LRP5: variants seen among roughly 807,000 people sequenced by gnomAD.
LRP5 encodes the protein LDL receptor related protein 5, also known as low-density lipoprotein receptor-related protein 5.
In LRP5, 62 loss-of-function variants were observed where a neutral mutation model predicts 154.1. The observed-to-expected ratio is 0.40, with a 90% CI of 0.33 to 0.50. The LOEUF (loss-of-function observed/expected upper bound fraction) is 0.50, where lower values mean the gene tolerates loss of function less well. Among genes scored for constraint, LRP5 ranks in the 20% least tolerant of loss-of-function variants. LRP5 has a pLI of 0.55. For missense variants in LRP5, 1,915 were observed against 2,336.7 expected, an observed-to-expected ratio of 0.82 and a Z score of 3.72; for synonymous variants, 966 against 1,011.5, an observed-to-expected ratio of 0.96 and a Z score of 0.85.
intron 1 of LRP5, among the ~76,000 whole-genome samples, chr11:68,334,427 CAT>C (rs1376416485): frequency 2.6e-5 from 4 of 152,086 alleles, no homozygotes; most frequent in Non-Finnish European, 1.5e-5. Context: ...AATAAGTAAA[CAT>C]ATGGATAGTA....
In LRP5 at chr11:68,423,647, G is replaced by T; in HGVS notation, c.3186G>T (p.Leu1062=). 1 of 1,614,024 alleles carries T rather than the reference G, an allele frequency of 6.2e-7. No individual in the cohort carries two copies. Among genetic ancestry groups the T allele is most frequent in the Non-Finnish European group, 8.5e-7 (1 of 1,180,010 alleles). The change falls in exon 14 of 23, where the codon CTG becomes CTT. Residue 1062 remains leucine (L), a synonymous_variant. Coordinates refer to ENST00000294304, the MANE Select transcript of LRP5 (RefSeq NM_002335.4). The surrounding 1 kb of genome is among the most constrained non-coding windows in gnomAD (Gnocchi z 4.7). ...RLSGEAMGVV[L]RGDRDKPRAI... ...GCGGGGAAGCCATGGGGGTGGTGCT[G>T]CGTGGGGACCGCGACAAGCCCAGGG... is the stretch of plus-strand genomic sequence containing the variant.
intron 5 of LRP5, among the ~76,000 whole-genome samples, chr11:68,378,077 G>A (rs2153147666): frequency 6.6e-6 from 1 of 152,362 alleles, no homozygotes; most frequent in African/African-American, 2.4e-5. Context: ...TGCAGGGATG[G>A]CCGGGGCCCT....
At chr11:68,444,385 C>T (rs71464347) in intron 21 of LRP5, among the ~76,000 whole-genome samples, 4 of 152,062 alleles carry the variant, frequency 2.6e-5, no homozygotes, top group Admixed American at 6.5e-5. Flanking sequence ...GGTGTGGTGG[C>T]GCATGCCTGT....
chr11:68,363,265 C>T (rs1250677909), intron 3 of LRP5, among the ~76,000 whole-genome samples: 1 of 152,228 alleles, frequency 6.6e-6, no homozygotes, highest in Non-Finnish European at 1.5e-5. Flanking sequence ...GTGTCACCAT[C>T]ACAGGCTGTG....
intron 7 of LRP5, among the ~76,000 whole-genome samples, chr11:68,392,397 G>A (rs1342203606): frequency 3.3e-5 from 5 of 152,050 alleles, no homozygotes; most frequent in African/African-American, 1.2e-4. Context: ...CCAGCTACTC[G>A]GGAGGCTGAG....
chr11:68,357,081 G>T (rs1299845686), intron 2 of LRP5, among the ~76,000 whole-genome samples: 1 of 151,942 alleles, frequency 6.6e-6, no homozygotes, highest in African/African-American at 2.4e-5. Flanking sequence ...GACTACAGGT[G>T]CTCACTACCA....
chr11:68,330,000 T>C (rs1393681452), intron 1 of LRP5, among the ~76,000 whole-genome samples: 3 of 152,212 alleles, frequency 2.0e-5, no homozygotes, highest in African/African-American at 2.4e-5. Flanking sequence ...CCCTAAACCT[T>C]CTAATTAGTG....
At chr11:68,411,251 C>G (rs1270455680) in intron 10 of LRP5, among the ~76,000 whole-genome samples, 185 bp from the exon 11 acceptor site, 1 of 152,226 alleles carries the variant, frequency 6.6e-6, no homozygotes, top group Admixed American at 6.5e-5. Flanking sequence ...CAGTGACCAC[C>G]CCTGGAGGGA....
intron 12 of LRP5, among the ~76,000 whole-genome samples, chr11:68,414,772 G>A (rs182559526): frequency 6.6e-6 from 1 of 152,338 alleles, no homozygotes; most frequent in East Asian, 1.9e-4. Context: ...GGCGGGGCTG[G>A]TCTTGCCTGT....
In LRP5 at chr11:68,386,566, G is replaced by C. The variant is rs772212144; in HGVS notation, c.1266G>C (p.Ala422=). ...NTEINDPDGI[A]VDWVARNLYW... ...AGATCAACGACCCCGATGGCATCGC[G>C]GTCGACTGGGTGGCCCGAAACCTCT... The change falls in exon 6 of 23, where the codon GCG becomes GCC. Residue 422 remains alanine (A), a synonymous_variant. Transcript: ENST00000294304. This position sits in a 1 kb window ranked among gnomAD's most constrained non-coding sequence, Gnocchi z 7.9. 1 of 1,613,794 alleles carries C rather than the reference G, an allele frequency of 6.2e-7. No homozygotes were observed. The highest frequency in any genetic ancestry group is 2.2e-5 in the East Asian group (1 of 44,856).
intron 9 of LRP5, among the ~76,000 whole-genome samples, chr11:68,409,095 T>TATATATATATATATATATATATACAC (rs1311618305): frequency 3.6e-4 from 10 of 27,696 alleles, no homozygotes; most frequent in Non-Finnish European, 8.5e-4. Flanking sequence ...TATATATATA[T>TATATATATATATATATATATATACAC]ACACACACAT....
chr11:68,448,442 G>C (rs939752572), intron 22 of LRP5, among the ~76,000 whole-genome samples: 4 of 152,182 alleles, frequency 2.6e-5, no homozygotes, highest in Non-Finnish European at 5.9e-5. Flanking sequence ...TTTCGAAATG[G>C]GTACTATTTC....
chr11:68,381,574 G>A (rs187826982), intron 5 of LRP5, among the ~76,000 whole-genome samples: 88 of 152,292 alleles, frequency 5.8e-4, no homozygotes, highest in Non-Finnish European at 1.1e-3. Flanking sequence ...GGGAGGAAGG[G>A]GAGAGGTCAG....
intron 1 of LRP5, among the ~76,000 whole-genome samples, chr11:68,327,488 C>T (rs1327796751): frequency 6.6e-6 from 1 of 152,066 alleles, no homozygotes; most frequent in African/African-American, 2.4e-5. Context: ...TTTCAGTTGC[C>T]CCCCCTTAGG....
intron 20 of LRP5, 103 bp downstream of exon 20, chr11:68,438,785 A>T: frequency 1.0e-6 from 1 of 972,316 alleles, no homozygotes; most frequent in Non-Finnish European, 1.6e-6. Context: ...CCTCTTGCAC[A>T]TGTGGCAGAC....
intron 6 of LRP5, among the ~76,000 whole-genome samples, chr11:68,387,287 G>C (rs976676654): frequency 6.6e-6 from 1 of 152,106 alleles, no homozygotes; most frequent in Admixed American, 6.5e-5. Context: ...GCTAATGTTT[G>C]TATTTTTGGT....
At chr11:68,365,930 C>T (rs2098630818) in intron 5 of LRP5, among the ~76,000 whole-genome samples, 1 of 152,140 alleles carries the variant, frequency 6.6e-6, no homozygotes, top group Non-Finnish European at 1.5e-5. Context: ...TATTTTTGCC[C>T]CAGATATTTT....
At chr11:68,387,942 G>A (rs1160691061) in intron 6 of LRP5, among the ~76,000 whole-genome samples, 1 of 152,204 alleles carries the variant, frequency 6.6e-6, no homozygotes, top group African/African-American at 2.4e-5. Flanking sequence ...TGTGGAGCCT[G>A]TGCTCGTGGC....
intron 21 of LRP5, among the ~76,000 whole-genome samples, chr11:68,445,385 A>T (rs1364448370): frequency 6.6e-6 from 1 of 152,130 alleles, no homozygotes; most frequent in African/African-American, 2.4e-5. Context: ...GCCCATTTTA[A>T]AGTTGAAGAA....
Sources: allele counts gnomAD v4.1 joint callset (sites outside exome capture counted in the v4.1 genomes callset), GRCh38; gene constraint gnomAD v4.1.1; non-coding constraint Gnocchi (gnomAD v3.1); transcripts MANE v1.5; gene names NCBI Gene and HGNC (gene_info 2026-07-23, HGNC 2026-07-21).